Variants in BRD7 observed in about 807,000 individuals in gnomAD.
BRD7 encodes bromodomain containing 7.
Under a neutral mutation model 82.1 loss-of-function variants are expected in BRD7, and 15 were observed. That is an observed-to-expected ratio of 0.18 (90% CI 0.12 to 0.28). The LOEUF is 0.28. BRD7 is among the 10% of genes least tolerant of loss of function. The pLI is 1.00. For synonymous variants in BRD7, 232 were observed against 266.9 expected (o/e 0.87, Z 1.27); for missense variants, 638 against 779.9 (o/e 0.82, Z 2.17).
At chr16:50,342,480 A>G (rs1221965527) in intron 5 of BRD7, among the ~76,000 whole-genome samples, 21 of 96,860 alleles carry the variant, frequency 2.2e-4, no homozygotes, top group Non-Finnish European at 4.0e-4. Flanking sequence ...TTTTTTTGAG[A>G]TGGAGTCTCA....
intron 3 of BRD7, 50 bp from the exon 4 acceptor site, chr16:50,354,532 A>G (rs1316820323): frequency 1.4e-6 from 2 of 1,468,596 alleles, no homozygotes; most frequent in Non-Finnish European, 1.9e-6. Context: ...AGTATTCTAG[A>G]GAGTATTATT....
rs1453637962 is a variant in BRD7 at position 50,318,517 on chromosome 16, T to A, written c.*694A>T. 1 of 152,240 alleles carries A rather than the reference T, an allele frequency of 6.6e-6. No homozygotes were observed. The highest frequency in any genetic ancestry group is 1.5e-5 in the Non-Finnish European group (1 of 68,040). The allele number at this position is 152,240 out of a possible 1,614,324, so 9.4% of individuals were successfully genotyped here. On this transcript the variant is annotated 3_prime_UTR_variant, in exon 17 of 17. Coordinates refer to ENST00000394688, the MANE Select transcript of BRD7 (RefSeq NM_013263.5). ...GCTGATAAAAGGGGGCCATGAATCT[T>A]GTGGTCTCCTACTTAGAGTTCAACT...
At chr16:50,340,322 C>A (rs62029965) in intron 5 of BRD7, among the ~76,000 whole-genome samples, 3,016 of 152,034 alleles carry the variant, frequency 0.02, 44 homozygotes, top group Non-Finnish European at 0.029. Flanking sequence ...TTTTATAGTA[C>A]CTGTATATAA....
At position 50,316,264 on chromosome 16, in the gene BRD7, T is replaced by TA. The variant is rs2036794793; in HGVS notation, c.*2946dup. 1 of 152,374 alleles carries TA rather than the reference T, an allele frequency of 6.6e-6. No individual in the cohort carries two copies. Among genetic ancestry groups the TA allele is most frequent in the African/African-American group, 2.4e-5 (1 of 41,430 alleles). 9.4% of individuals were successfully genotyped at this position (152,374 alleles called of 1,614,324 possible). A position where few individuals can be genotyped will look rare whatever the true frequency, so the allele number is the denominator to read the frequency against. On this transcript the variant is annotated 3_prime_UTR_variant, in exon 17 of 17. Transcript: ENST00000394688. The stretch of plus-strand genomic sequence containing the variant: ...TTATGGGGTCAGCTGGCTGTGGGGA[T>TA]AGAGTCCTGAGGAATGTGGTCACAG...
intron 12 of BRD7, among the ~76,000 whole-genome samples, chr16:50,322,887 C>G (rs1028719368): frequency 2.3e-4 from 35 of 152,254 alleles, no homozygotes; most frequent in African/African-American, 8.2e-4. Context: ...TGGGCCTGAC[C>G]GAGGCACTAA....
intron 4 of BRD7, among the ~76,000 whole-genome samples, chr16:50,351,807 T>C (rs1029320318): frequency 6.6e-6 from 1 of 152,054 alleles, no homozygotes; most frequent in Non-Finnish European, 1.5e-5. Flanking sequence ...AACATACATA[T>C]ATACAAGGAT....
chr16:50,349,754 G>A, intron 5 of BRD7: 1 of 387,092 alleles, frequency 2.6e-6, no homozygotes, highest in Non-Finnish European at 5.0e-6. Flanking sequence ...TTCACTCTAA[G>A]GTTGGAAAAA....
chr16:50,368,663 A>C, intron 1 of BRD7, 63 bp downstream of exon 1: 1 of 1,503,004 alleles, frequency 6.7e-7, no homozygotes. Context: ...AGCCACTGGG[A>C]AAGAGCGGAA....
In BRD7 at chr16:50,349,199, G is replaced by C. The variant is rs192733541; in HGVS notation, c.591+824C>G. ...CTCATAGGTGGGAATTGAACAATGA[G>C]AACACCTGGACACAGGGTGGGGAAC... On this transcript the variant is annotated intron_variant, in intron 5 of 16. Coordinates refer to ENST00000394688, the MANE Select transcript of BRD7 (RefSeq NM_013263.5). 507 of 174,646 alleles carry C rather than the reference G, an allele frequency of 2.9e-3. 2 individuals carry two copies. The highest frequency in any genetic ancestry group is 0.011 in the African/African-American group (463 of 41,252). The allele number at this position is 174,646 out of a possible 1,614,324, so 10.8% of individuals were successfully genotyped here.
At chr16:50,354,745 T>TA in intron 3 of BRD7, 48 bp downstream of exon 3, 1 of 1,578,550 alleles carries the variant, frequency 6.3e-7, no homozygotes, top group Middle Eastern at 2.3e-4. Flanking sequence ...TGAGCTATAA[T>TA]GATTTCAGCC....
At position 50,340,057 on chromosome 16, in the gene BRD7, G is replaced by C. The variant is rs138764095; in HGVS notation, c.621C>G (p.Ala207=). 3.6e-5 allele frequency: 57 copies of C among 1,583,736 alleles called. No homozygotes were observed. In the African/African-American group the frequency reaches 7.2e-4, roughly 20 times the overall value. ...TGGTCTCTGGTTTATTGTAAATCATGGCATTAGTACACATTAGTTTGAAGT... is the reference window on the plus strand; with the variant it reads ...TGGTCTCTGGTTTATTGTAAATCATCGCATTAGTACACATTAGTTTGAAGT... ...KDNFKLMCTN[A]MIYNKPETIY... The change falls in exon 6 of 17, where the codon GCC becomes GCG. Residue 207 remains alanine (A), a synonymous_variant. Transcript: ENST00000394688.
chr16:50,341,025 T>TACA (rs2151170450), intron 5 of BRD7, among the ~76,000 whole-genome samples: 1 of 152,318 alleles, frequency 6.6e-6, no homozygotes, highest in Non-Finnish European at 1.5e-5. Flanking sequence ...GAGTTCTATG[T>TACA]ACAAGTACGT....
chr16:50,364,897 A>C (rs927846768), intron 2 of BRD7, among the ~76,000 whole-genome samples: 1 of 152,264 alleles, frequency 6.6e-6, no homozygotes, highest in Non-Finnish European at 1.5e-5. Context: ...CAGAACAAAA[A>C]CCAGAGTGGT....
Position 50,351,885 on chromosome 16 carries a change from T to G in BRD7, c.447-1718A>C, listed in dbSNP as rs1210888579. Among the ~76,000 whole-genome samples, 6 of 147,240 alleles carry G rather than the reference T, an allele frequency of 4.1e-5. No homozygotes were observed. The Admixed American group carries it at 4.1e-4, about 10-fold the overall frequency. On this transcript the variant is annotated intron_variant, in intron 4 of 16. Coordinates refer to ENST00000394688, the MANE Select transcript of BRD7 (RefSeq NM_013263.5). ...GGTGTAATAATCAAATCAAGGTAAT[T>G]AGCATATTTATCACCCCAAACACTT...
At chr16:50,329,691 G>A (rs1190283001) in intron 8 of BRD7, among the ~76,000 whole-genome samples, 1 of 152,250 alleles carries the variant, frequency 6.6e-6, no homozygotes, top group South Asian at 2.1e-4. Flanking sequence ...AAGGGCAGCC[G>A]GCAGCCACTG....
chr16:50,325,757 C>T lies in BRD7; in HGVS notation c.1322G>A (p.Ser441Asn). ...TTAACTGGAAACTCACCTGAAATCA[C>T]TTGGAAGATCAGAGTCTTCCCCATA... The part of the protein sequence containing the change: ...STYGEDSDLP[S>N]DFSIHEFLAT... Residue 441 changes from serine to asparagine, a missense_variant, in exon 11 of 17, where the codon AGT becomes AAT. Physicochemically the swap from Ser to Asn is conservative, Grantham distance 46. This residue lies in a region of BRD7 where 402 missense variants were observed against 500.8 expected (regional missense o/e 0.80). Transcript: ENST00000394688. 1 of 1,592,000 alleles carries T rather than the reference C, an allele frequency of 6.3e-7. No individual in the cohort carries two copies.
intron 13 of BRD7, among the ~76,000 whole-genome samples, chr16:50,321,407 A>C (rs984805744): frequency 6.7e-6 from 1 of 149,662 alleles, no homozygotes; most frequent in African/African-American, 2.5e-5. Context: ...CTAAAAATAC[A>C]AAAAAAAAAT....
chr16:50,343,837 C>A (rs2038172404), intron 5 of BRD7, among the ~76,000 whole-genome samples: 1 of 151,976 alleles, frequency 6.6e-6, no homozygotes, highest in Admixed American at 6.6e-5. Context: ...CCTCTGGGGG[C>A]AGGGCATAGC....
chr16:50,366,790 C>T (rs1210251582), intron 2 of BRD7, among the ~76,000 whole-genome samples: 2 of 152,090 alleles, frequency 1.3e-5, no homozygotes, highest in Admixed American at 6.5e-5. Context: ...ATCATCTTCA[C>T]GAATTACTTT....
Sources: allele counts gnomAD v4.1 joint callset (sites outside exome capture counted in the v4.1 genomes callset), GRCh38; gene constraint gnomAD v4.1.1; regional missense constraint gnomAD v4.1.1; transcripts MANE v1.5; gene names NCBI Gene and HGNC (gene_info 2026-07-23, HGNC 2026-07-21).